The following XRN1 variants were observed in gnomAD, a reference collection of about 807,000 sequenced individuals.
The protein encoded by XRN1 is strand-exchange protein 1 homolog.
In XRN1, 67 loss-of-function variants were observed where a neutral mutation model predicts 222.3. The ratio of observed to expected loss-of-function variants is 0.30; its 90% CI spans 0.25 to 0.37. XRN1 has a LOEUF of 0.37. XRN1 is among the 10% of genes least tolerant of loss of function. The probability of loss-of-function intolerance (pLI) is 1.00; values close to 1 mark genes in which losing one functional copy is unlikely to be tolerated. For missense variants in XRN1, 1,707 were observed against 2,000.2 expected (o/e 0.85, Z 2.80); for synonymous variants, 643 against 652.4 (o/e 0.99, Z 0.22).
At chr3:142,438,785 G>T (rs1188510239) in intron 1 of XRN1, among the ~76,000 whole-genome samples, 3 of 152,096 alleles carry the variant, frequency 2.0e-5, no homozygotes, top group African/African-American at 7.2e-5. Context: ...TAGAAAGGAG[G>T]GCAAATGGAG....
At chr3:142,318,470 T>C in intron 39 of XRN1, 122 bp downstream of exon 39, 1 of 914,406 alleles carries the variant, frequency 1.1e-6, no homozygotes, top group East Asian at 2.6e-5. Context: ...GGCTGTGGCT[T>C]TAGGCTTTCT....
intron 29 of XRN1, among the ~76,000 whole-genome samples, chr3:142,361,691 T>C (rs1394617260): frequency 2.0e-5 from 3 of 152,212 alleles, no homozygotes; most frequent in Non-Finnish European, 4.4e-5. Context: ...TAACAACGAA[T>C]GATGTTGAGC....
At chr3:142,390,758 T>C (rs147042904) in intron 20 of XRN1, among the ~76,000 whole-genome samples, 38 of 152,372 alleles carry the variant, frequency 2.5e-4, no homozygotes, top group African/African-American at 8.7e-4. Flanking sequence ...AGCCTAGCTT[T>C]TGGCCTGTAT....
In XRN1 at chr3:142,403,982, T is replaced by C. The variant is rs778666802; in HGVS notation, c.1891A>G (p.Ile631Val). ...ACACGCCAAGCATCTAAGGATATTA[T>C]TTTATACCTAGAAAATAAATCAAGG... ...AIERCCTRYK[I>V]ISLDAWRVDI... The change falls in exon 17 of 41, where the codon ATA (isoleucine) becomes GTA (valine). Residue 631 changes from isoleucine to valine, a missense_variant. Physicochemically the swap from Ile to Val is conservative, Grantham distance 29. Around this residue, in one of 2 missense-constraint regions of XRN1, gnomAD observed 1,234 missense variants for 1,518.2 expected, o/e 0.81. Coordinates refer to ENST00000392981, the MANE Select transcript of XRN1 (RefSeq NM_001282857.2). 6 of 1,568,816 alleles carry C rather than the reference T, an allele frequency of 3.8e-6. No individual in the cohort carries two copies. The highest frequency in any genetic ancestry group is 2.2e-5 in the East Asian group (1 of 44,526).
At chr3:142,347,392 A>G in intron 32 of XRN1, 50 bp from the exon 33 acceptor site, 1 of 1,113,568 alleles carries the variant, frequency 9.0e-7, no homozygotes, top group Non-Finnish European at 1.3e-6. Context: ...TATTATAACT[A>G]CTTCTTATCT....
intron 33 of XRN1, among the ~76,000 whole-genome samples, chr3:142,339,041 C>T (rs924756792): frequency 3.3e-5 from 5 of 152,162 alleles, no homozygotes; most frequent in Non-Finnish European, 5.9e-5. Context: ...AGGACACAAG[C>T]CTGGCTGGTT....
chr3:142,374,734 T>C (rs2067089180), intron 25 of XRN1, among the ~76,000 whole-genome samples: 2 of 152,032 alleles, frequency 1.3e-5, no homozygotes, highest in Non-Finnish European at 2.9e-5. Flanking sequence ...TTTAAAGAAA[T>C]AAGAAAGTGA....
At position 142,312,745 on chromosome 3, in the gene XRN1, A is replaced by C. The variant is rs948673953; in HGVS notation, c.4635T>G (p.Pro1545=). 1.2e-6 allele frequency: 2 copies of C among 1,611,120 alleles called. No individual in the cohort carries two copies. The highest frequency in any genetic ancestry group is 2.7e-5 in the African/African-American group (2 of 74,732). ...TTGAGCCAAAGAGATGAGACGACGAAGGCATTATATTAGCTGTTAAAAACC... is the reference window on the plus strand; with the variant it reads ...TTGAGCCAAAGAGATGAGACGACGACGGCATTATATTAGCTGTTAAAAACC... ...AFPPPTANIM[P]SSSHLFGSMP... is the part of the protein sequence containing the mutation. Residue 1545 remains proline (P), a synonymous_variant, in exon 40 of 41, where the codon CCT becomes CCG. Coordinates refer to ENST00000392981, the MANE Select transcript of XRN1 (RefSeq NM_001282857.2).
intron 20 of XRN1, among the ~76,000 whole-genome samples, chr3:142,388,371 A>G (rs73867040): frequency 0.07 from 10,640 of 152,282 alleles, 1,250 homozygotes; most frequent in African/African-American, 0.24. Context: ...GTTATCAACT[A>G]CTTATGTTAT....
chr3:142,366,741 T>C (rs1341042823), intron 27 of XRN1, among the ~76,000 whole-genome samples: 1 of 152,014 alleles, frequency 6.6e-6, no homozygotes, highest in Non-Finnish European at 1.5e-5. Context: ...AAGGAAAGAC[T>C]ATGAAGAGAT....
intron 12 of XRN1, chr3:142,417,818 C>T (rs1342736183): frequency 6.6e-6 from 1 of 152,168 alleles, no homozygotes; most frequent in African/African-American, 2.4e-5. Context: ...AAAATATTCA[C>T]TTAGAAATTA....
chr3:142,411,951 T>G (rs573276707), intron 15 of XRN1, among the ~76,000 whole-genome samples: 1 of 151,466 alleles, frequency 6.6e-6, no homozygotes, highest in Admixed American at 6.6e-5. Context: ...GCCTCTCGAG[T>G]AGCTGGGACT....
At chr3:142,354,155 A>G (rs1242631079) in intron 32 of XRN1, among the ~76,000 whole-genome samples, 1 of 152,222 alleles carries the variant, frequency 6.6e-6, no homozygotes, top group Non-Finnish European at 1.5e-5. Flanking sequence ...AAAATAAGAC[A>G]TATCAGTGGA....
At chr3:142,406,725 G>A (rs1410003792) in intron 15 of XRN1, among the ~76,000 whole-genome samples, 1 of 150,996 alleles carries the variant, frequency 6.6e-6, no homozygotes, top group Non-Finnish European at 1.5e-5. Flanking sequence ...GTTGGGTCTT[G>A]CTGTGTTGCC....
chr3:142,421,274 TA>T, intron 9 of XRN1, 121 bp from the exon 10 acceptor site: 1 of 1,041,866 alleles, frequency 9.6e-7, no homozygotes, highest in Non-Finnish European at 1.3e-6. Context: ...TACTCTTTTA[TA>T]TATATGGGAG....
intron 8 of XRN1, among the ~76,000 whole-genome samples, chr3:142,422,350 A>T (rs1202817772): frequency 6.6e-6 from 1 of 152,270 alleles, no homozygotes; most frequent in South Asian, 2.1e-4. Flanking sequence ...AATAAAAAAA[A>T]GGCAAAGATT....
At chr3:142,344,847 G>A (rs6780665) in intron 33 of XRN1, among the ~76,000 whole-genome samples, 19,823 of 152,038 alleles carry the variant, frequency 0.13, 1,314 homozygotes, top group African/African-American at 0.14. Context: ...CAGATTCAAT[G>A]CAATCCCTAT....
At chr3:142,341,657 A>G (rs1001240992) in intron 33 of XRN1, among the ~76,000 whole-genome samples, 1 of 152,114 alleles carries the variant, frequency 6.6e-6, no homozygotes, top group Admixed American at 6.5e-5. Context: ...AAAGGACCCA[A>G]TGATCTGTTG....
chr3:142,339,914 TC>T (rs1383834873), intron 33 of XRN1, among the ~76,000 whole-genome samples: 1 of 152,188 alleles, frequency 6.6e-6, no homozygotes, highest in African/African-American at 2.4e-5. Context: ...CAGATACATT[TC>T]ACAAAGATAG....
Sources: allele counts gnomAD v4.1 joint callset (sites outside exome capture counted in the v4.1 genomes callset), GRCh38; gene constraint gnomAD v4.1.1; regional missense constraint gnomAD v4.1.1; transcripts MANE v1.5; gene names NCBI Gene and HGNC (gene_info 2026-07-23, HGNC 2026-07-21).